Variants in FOXK2 observed in about 807,000 individuals in gnomAD.
FOXK2 encodes the protein forkhead box K2.
FOXK2 carries 24 observed loss-of-function variants against 53.3 expected under a neutral mutation model. The observed-to-expected ratio is 0.45, with a 90% CI of 0.33 to 0.63. The LOEUF is 0.63. Ranked by LOEUF, FOXK2 falls within the 30% of genes least tolerant of loss-of-function variation. FOXK2 has a pLI of 0.03. For synonymous variants in FOXK2, 505 were observed against 407.1 expected (o/e 1.24, Z -2.89); for missense variants, 952 against 910.5 (o/e 1.05, Z -0.59).
rs746207142 is a variant in FOXK2 at position 82,563,347 on chromosome 17, T to C, written c.420-7T>C. The C allele has an allele frequency of 1.6e-5, 25 of 1,609,498 alleles. No individual in the cohort carries two copies. Among genetic ancestry groups the C allele is most frequent in the Middle Eastern group, 3.3e-4 (2 of 6,054 alleles). ...AAAGGTGCTGATGGTGGGCTTTTCT[T>C]TTCCAGGTGCACATTCAGGTTCCCG... On this transcript the variant is annotated splice_region_variant and splice_polypyrimidine_tract_variant and intron_variant, in intron 1 of 8. Coordinates refer to ENST00000335255, the MANE Select transcript of FOXK2 (RefSeq NM_004514.4).
chr17:82,601,872 C>T lies in FOXK2; in HGVS notation c.*373C>T, dbSNP rs922321658. On this transcript the variant is annotated 3_prime_UTR_variant, in exon 9 of 9. Coordinates refer to ENST00000335255, the MANE Select transcript of FOXK2 (RefSeq NM_004514.4). ...AGGACGCGGGGGGAGCCATCCCCGC[C>T]GCCCTCACAGGACCCACCAGGCAGC... 4 of 191,352 alleles carry T rather than the reference C, an allele frequency of 2.1e-5. No individual in the cohort carries two copies. The highest frequency in any genetic ancestry group is 6.9e-5 in the African/African-American group (3 of 43,240). The allele number at this position is 191,352 out of a possible 1,614,324, so 11.9% of individuals were successfully genotyped here.
chr17:82,540,279 CAA>C (rs77390515), intron 1 of FOXK2, among the ~76,000 whole-genome samples: 8 of 133,630 alleles, frequency 6.0e-5, no homozygotes, highest in Non-Finnish European at 8.0e-5. Context: ...GAAACTGTCT[CAA>C]AAAAAAAAAA....
intron 1 of FOXK2, among the ~76,000 whole-genome samples, chr17:82,520,941 A>T (rs2044355777): frequency 6.6e-6 from 1 of 152,210 alleles, no homozygotes; most frequent in African/African-American, 2.4e-5. Flanking sequence ...TAACTTCTAC[A>T]AAAAGACAGT....
intron 1 of FOXK2, among the ~76,000 whole-genome samples, chr17:82,549,499 A>G (rs1023513740): frequency 2.6e-5 from 4 of 152,180 alleles, no homozygotes; most frequent in African/African-American, 9.7e-5. Flanking sequence ...AGTGCAGCAA[A>G]TGGGAGAGGG....
intron 7 of FOXK2, among the ~76,000 whole-genome samples, chr17:82,586,401 C>CT (rs149999499): frequency 2.4e-5 from 1 of 41,188 alleles, no homozygotes; most frequent in Admixed American, 3.5e-4. Context: ...GAAAGGTGGG[C>CT]GGGGGGGAAA....
Position 82,603,690 on chromosome 17 carries a change from C to A in FOXK2, c.*2191C>A, listed in dbSNP as rs2045413681. On this transcript the variant is annotated 3_prime_UTR_variant, in exon 9 of 9. Transcript: ENST00000335255. ...TGGGATCACAGGTAAGGAAAATGTCCATTCAAATGGTAAAGAAGGGAGGAG... is the reference window on the plus strand; with the variant it reads ...TGGGATCACAGGTAAGGAAAATGTCAATTCAAATGGTAAAGAAGGGAGGAG... 1 of 150,086 alleles carries A rather than the reference C, an allele frequency of 6.7e-6. No homozygotes were observed. The highest frequency in any genetic ancestry group is 6.7e-5 in the Admixed American group (1 of 14,956). The allele number at this position is 150,086 out of a possible 1,614,324, so 9.3% of individuals were successfully genotyped here.
chr17:82,571,890 T>C lies in FOXK2; in HGVS notation c.909+20T>C. On this transcript the variant is annotated intron_variant, in intron 4 of 8. Coordinates refer to ENST00000335255, the MANE Select transcript of FOXK2 (RefSeq NM_004514.4). The stretch of plus-strand genomic sequence containing the variant: ...TGGCAGGTAAATGCCTTCAGTTTGT[T>C]GTTAAATAGAGGCTGATGGATACCG... 1 of 1,533,602 alleles carries C rather than the reference T, an allele frequency of 6.5e-7. No individual in the cohort carries two copies. The highest frequency in any genetic ancestry group is 8.7e-7 in the Non-Finnish European group (1 of 1,143,980). The allele number at this position is 1,533,602 out of a possible 1,614,324, so 95.0% of individuals were successfully genotyped here.
chr17:82,572,805 G>T (rs2044933357), intron 4 of FOXK2, among the ~76,000 whole-genome samples: 1 of 152,158 alleles, frequency 6.6e-6, no homozygotes, highest in South Asian at 2.1e-4. Context: ...TGGCTTAGTG[G>T]TAAGGATGGT....
intron 1 of FOXK2, among the ~76,000 whole-genome samples, chr17:82,560,499 G>A (rs749058339): frequency 2.0e-5 from 3 of 152,182 alleles, no homozygotes; most frequent in African/African-American, 4.8e-5. Context: ...GGGCTCCGGC[G>A]GTTCCACCCT....
rs913369836 is a variant in FOXK2, at chr17:82,601,804, C to T, written c.*305C>T. ...CAGGCATCGCTGTGTGAGGACGGCA[C>T]GGCCAGCGCCTGCTGTGAGTGGGTC... On this transcript the variant is annotated 3_prime_UTR_variant, in exon 9 of 9. Transcript: ENST00000335255. 4.4e-5 allele frequency: 12 copies of T among 275,662 alleles called. No individual in the cohort carries two copies. Among genetic ancestry groups the T allele is most frequent in the Admixed American group, 1.9e-4 (4 of 21,522 alleles). 17.1% of individuals were successfully genotyped at this position (275,662 alleles called of 1,614,324 possible).
chr17:82,542,593 T>C (rs1404194148), intron 1 of FOXK2, among the ~76,000 whole-genome samples: 1 of 152,156 alleles, frequency 6.6e-6, no homozygotes, highest in African/African-American at 2.4e-5. Flanking sequence ...TTACTGGGAT[T>C]ACAGGTGTGA....
At position 82,563,439 on chromosome 17, in the gene FOXK2, GA is replaced by G; in HGVS notation, c.506del (p.Glu169GlyfsTer4). ...GAAGAGAGAGAAGCAGGAGGCGTCT[GA>G]GTCTCCAGTGAAGGCCGTACAGCCA... is the stretch of plus-strand genomic sequence containing the variant. ...SEKREKQEAS[E>X]SPVKAVQPHI... On this transcript the variant is annotated frameshift_variant, in exon 2 of 9. Coordinates refer to ENST00000335255, the MANE Select transcript of FOXK2 (RefSeq NM_004514.4). LOFTEE classifies it high-confidence loss of function. 6.2e-7 allele frequency: 1 copy of G among 1,614,172 alleles called. No homozygotes were observed. Among genetic ancestry groups the G allele is most frequent in the Non-Finnish European group, 8.5e-7 (1 of 1,180,036 alleles).
intron 4 of FOXK2, chr17:82,578,369 T>C (rs1382077580): frequency 2.0e-5 from 3 of 152,252 alleles, no homozygotes; most frequent in Admixed American, 2.0e-4. Flanking sequence ...GGGGGAAAGG[T>C]AATTGCTCAG....
intron 4 of FOXK2, among the ~76,000 whole-genome samples, chr17:82,580,091 T>C (rs2045040872): frequency 8.4e-6 from 1 of 118,960 alleles, no homozygotes; most frequent in Non-Finnish European, 1.8e-5. Context: ...CTCCTCTCCA[T>C]GTCACCCGTG....
At chr17:82,596,950 G>A (rs905960516) in intron 8 of FOXK2, among the ~76,000 whole-genome samples, 1 of 152,202 alleles carries the variant, frequency 6.6e-6, no homozygotes, top group Non-Finnish European at 1.5e-5. Context: ...CAGGCGTGGC[G>A]AGAGCCCCTT....
intron 1 of FOXK2, among the ~76,000 whole-genome samples, chr17:82,545,467 A>G (rs1015352795): frequency 2.0e-4 from 30 of 152,300 alleles, no homozygotes; most frequent in African/African-American, 7.0e-4. Context: ...GTGGATATAC[A>G]ACGATTCAAT....
At chr17:82,551,789 A>G (rs186837530) in intron 1 of FOXK2, among the ~76,000 whole-genome samples, 2 of 152,328 alleles carry the variant, frequency 1.3e-5, no homozygotes, top group Admixed American at 1.3e-4. Context: ...TGTATTTCTC[A>G]TTGTCTTAAA....
intron 1 of FOXK2, among the ~76,000 whole-genome samples, chr17:82,542,624 G>T (rs932205038): frequency 6.6e-6 from 1 of 152,116 alleles, no homozygotes; most frequent in African/African-American, 2.4e-5. Flanking sequence ...CCGGCAGAAG[G>T]GCAGTTTTGG....
intron 8 of FOXK2, chr17:82,596,196 G>A (rs1212631492): frequency 4.0e-6 from 4 of 992,858 alleles, no homozygotes; most frequent in Non-Finnish European, 4.8e-6. Context: ...CTGCAGGTCA[G>A]TTCCTGCTTC....
Sources: allele counts gnomAD v4.1 joint callset (sites outside exome capture counted in the v4.1 genomes callset), GRCh38; gene constraint gnomAD v4.1.1; transcripts MANE v1.5; gene names NCBI Gene and HGNC (gene_info 2026-07-23, HGNC 2026-07-21).